The following RILPL2 variants were observed in gnomAD, a reference collection of about 807,000 sequenced individuals.
RILPL2 encodes RILP-like protein 2.
Under a neutral mutation model 22.2 loss-of-function variants are expected in RILPL2, and 19 were observed. The ratio of observed to expected loss-of-function variants is 0.86; its 90% CI spans 0.60 to 1.25. The LOEUF is 1.25. RILPL2 is among the 50% of genes most tolerant of loss of function. RILPL2 has a pLI of 0.00. For missense variants in RILPL2, 243 were observed against 263.6 expected (o/e 0.92, Z 0.54); for synonymous variants, 123 against 111.6 (o/e 1.10, Z -0.64).
downstream of RILPL2, chr12:123,412,830 G>A (rs1879009051): frequency 6.6e-6 from 1 of 152,222 alleles, no homozygotes; most frequent in African/African-American, 2.4e-5. Context: ...TCCGCGCCCG[G>A]GCCTTGGAAT....
chr12:123,409,528 A>G, the RILPL2 span, among the ~76,000 whole-genome samples: 1 of 148,860 alleles, frequency 6.7e-6, no homozygotes, highest in Admixed American at 6.7e-5. Context: ...ACCATAGGGT[A>G]TGTGAAGATT....
chr12:123,411,016 T>G (rs1878957342), downstream of RILPL2: 1 of 152,124 alleles, frequency 6.6e-6, no homozygotes, highest in Non-Finnish European at 1.5e-5. Context: ...CGTGAGCCAC[T>G]GTGCCTGACT....
rs900884785 is a variant in RILPL2 at position 123,415,676 on chromosome 12, C to T, written c.*215G>A. ...TCTGTTTTTCTTGATTTCAGTCTCA[C>T]TGGCCCAGGCCAAATCTTCAAGGGT... On this transcript the variant is annotated 3_prime_UTR_variant, in exon 4 of 4. Transcript: ENST00000280571. 1.5e-6 allele frequency: 1 copy of T among 667,332 alleles called. No individual in the cohort carries two copies. The highest frequency in any genetic ancestry group is 1.8e-5 in the African/African-American group (1 of 55,698). 41.3% of individuals were successfully genotyped at this position (667,332 alleles called of 1,614,324 possible).
chr12:123,434,711 T>C (rs544808035), intron 1 of RILPL2, among the ~76,000 whole-genome samples: 5 of 151,356 alleles, frequency 3.3e-5, no homozygotes, highest in South Asian at 4.2e-4. Flanking sequence ...CAGGCGTGAG[T>C]CACAGCACCC....
intron 2 of RILPL2, among the ~76,000 whole-genome samples, chr12:123,428,346 C>G (rs983481272): frequency 3.9e-5 from 6 of 152,006 alleles, no homozygotes; most frequent in African/African-American, 1.2e-4. Flanking sequence ...CCGTGTTAGC[C>G]AGGCTGGTCT....
the RILPL2 span, among the ~76,000 whole-genome samples, chr12:123,409,528 A>T: frequency 6.7e-6 from 1 of 148,860 alleles, no homozygotes; most frequent in African/African-American, 2.5e-5. Flanking sequence ...ACCATAGGGT[A>T]TGTGAAGATT....
Position 123,415,911 on chromosome 12 carries a change from GA to G in RILPL2, c.615del (p.Arg206AspfsTer39), listed in dbSNP as rs760227571. 3.9e-5 allele frequency: 63 copies of G among 1,614,004 alleles called. No individual in the cohort carries two copies. The highest frequency in any genetic ancestry group is 3.3e-4 in the East Asian group (15 of 44,882). ...TGGATCTAGGTCTGTTTCCCCGATC[GA>G]AAAAAGAACCTGGTGTGGAGAGAGA... is the stretch of plus-strand genomic sequence containing the variant. ...EKTIIKKLFFFRSGKQT is the reference protein window; with the variant it reads ...EKTIIKKLFFXRSGKQT On this transcript the variant is annotated frameshift_variant, in exon 4 of 4. Transcript: ENST00000280571. LOFTEE classifies it high-confidence loss of function.
chr12:123,411,472 ACT>A (rs1384373253), downstream of RILPL2: 2 of 148,288 alleles, frequency 1.3e-5, no homozygotes, highest in African/African-American at 2.5e-5. Flanking sequence ...ACAGAGCGAG[ACT>A]CTGTCTCAAA....
the RILPL2 span, among the ~76,000 whole-genome samples, chr12:123,409,714 CTTTTTTTTTTTTTT>C: frequency 1.4e-3 from 127 of 90,568 alleles, 1 homozygote; most frequent in African/African-American, 2.1e-3. Context: ...CACACCTGGC[CTTTTTTTTTTTTTT>C]TTTTTTTTTT....
At chr12:123,411,978 C>T (rs1352044455), downstream of RILPL2, 3 of 152,094 alleles carry the variant, frequency 2.0e-5, no homozygotes, top group Non-Finnish European at 4.4e-5. Context: ...ACTTATTTTC[C>T]AAAATGCCCA....
intron 1 of RILPL2, among the ~76,000 whole-genome samples, chr12:123,432,903 T>TA (rs1376162488): frequency 6.6e-6 from 1 of 152,030 alleles, no homozygotes; most frequent in East Asian, 1.9e-4. Flanking sequence ...TATCTAGAAA[T>TA]ACAATTGTCA....
chr12:123,430,615 G>A lies in RILPL2; in HGVS notation c.384C>T (p.Pro128=). Residue 128 remains proline, a synonymous_variant, in exon 2 of 4, where the codon CCC becomes CCT. Coordinates refer to ENST00000280571, the MANE Select transcript of RILPL2 (RefSeq NM_145058.3). ...PNKMVVDLTD[P]NRPRFTLQEL... is the part of the protein sequence containing the mutation. ...CCTGCAGAGTGAAGCGGGGTCGGTT[G>A]GGATCTGTCAGGTCAACCACCATTT... The A allele has an allele frequency of 6.2e-7, 1 of 1,610,274 alleles. No homozygotes were observed. Among genetic ancestry groups the A allele is most frequent in the Non-Finnish European group, 8.5e-7 (1 of 1,177,608 alleles).
chr12:123,427,628 G>A (rs905705499), intron 2 of RILPL2, among the ~76,000 whole-genome samples: 1 of 151,418 alleles, frequency 6.6e-6, no homozygotes, highest in Non-Finnish European at 1.5e-5. Context: ...TGCAACCTGC[G>A]CCTCCTGGGT....
chr12:123,432,113 C>T (rs1323655499), intron 1 of RILPL2, among the ~76,000 whole-genome samples: 1 of 152,000 alleles, frequency 6.6e-6, no homozygotes, highest in Non-Finnish European at 1.5e-5. Context: ...CCAGGCTGGT[C>T]TTGAACTCTG....
At chr12:123,411,876 C>G (rs1452435214), downstream of RILPL2, 1 of 152,112 alleles carries the variant, frequency 6.6e-6, no homozygotes, top group African/African-American at 2.4e-5. Flanking sequence ...AGTTGGAATC[C>G]TGCAGTGTGA....
rs1437500641 is a variant in RILPL2 at position 123,415,520 on chromosome 12, C to T, written c.*371G>A. ...ATAGCACATTTTCCTGCTTTCTTTTCTCCCTTCTGCTAACCATTGAAGACC... is the reference window on the plus strand; with the variant it reads ...ATAGCACATTTTCCTGCTTTCTTTTTTCCCTTCTGCTAACCATTGAAGACC... On this transcript the variant is annotated 3_prime_UTR_variant, in exon 4 of 4. Transcript: ENST00000280571. 1 of 242,866 alleles carries T rather than the reference C, an allele frequency of 4.1e-6. No homozygotes were observed. Among genetic ancestry groups the T allele is most frequent in the African/African-American group, 2.2e-5 (1 of 44,808 alleles). The allele number at this position is 242,866 out of a possible 1,614,324, so 15.0% of individuals were successfully genotyped here.
chr12:123,430,697 A>G (rs767472064), intron 1 of RILPL2, 38 bp from the exon 2 acceptor site: 2 of 1,316,906 alleles, frequency 1.5e-6, no homozygotes, highest in African/African-American at 3.1e-5. Context: ...GCAACTCTAT[A>G]TAATTAAATT....
intron 2 of RILPL2, among the ~76,000 whole-genome samples, chr12:123,425,469 G>A (rs1251837364): frequency 1.3e-5 from 2 of 151,740 alleles, no homozygotes; most frequent in East Asian, 1.9e-4. Flanking sequence ...GTGAGCCATC[G>A]TGCCTGGCCG....
intron 2 of RILPL2, among the ~76,000 whole-genome samples, chr12:123,425,689 G>A (rs1318771409): frequency 6.9e-6 from 1 of 144,900 alleles, no homozygotes; most frequent in Non-Finnish European, 1.5e-5. Flanking sequence ...TCTTGCTGTC[G>A]CCCAGGCTGG....
Sources: allele counts gnomAD v4.1 joint callset (sites outside exome capture counted in the v4.1 genomes callset), GRCh38; gene constraint gnomAD v4.1.1; transcripts MANE v1.5; gene names NCBI Gene and HGNC (gene_info 2026-07-23, HGNC 2026-07-21).